Variants in GABRB3 observed in about 807,000 individuals in gnomAD.
The protein encoded by GABRB3 is gamma-aminobutyric acid type A receptor subunit beta3.
In GABRB3, 14 loss-of-function variants were observed where a neutral mutation model predicts 52.1. The ratio of observed to expected loss-of-function variants is 0.27; its 90% confidence interval spans 0.18 to 0.42. The LOEUF (loss-of-function observed/expected upper bound fraction) is 0.42, where lower values mean the gene tolerates loss of function less well. GABRB3 is among the 10% of genes least tolerant of loss of function. GABRB3 has a pLI of 1.00. For synonymous variants in GABRB3, 260 were observed against 232.3 expected, an observed-to-expected ratio of 1.12 and a Z score of -1.08; for missense variants, 307 against 609.1, an observed-to-expected ratio of 0.50 and a Z score of 5.22.
At chr15:26,711,459 T>C (rs1451773596) in intron 3 of GABRB3, among the ~76,000 whole-genome samples, 2 of 105,916 alleles carry the variant, frequency 1.9e-5, no homozygotes, top group African/African-American at 5.7e-5. Context: ...AATCCACTGC[T>C]CCGCTCGGCC....
chr15:26,689,060 T>C (rs1888496270), intron 3 of GABRB3, among the ~76,000 whole-genome samples: 1 of 152,200 alleles, frequency 6.6e-6, no homozygotes, highest in African/African-American at 2.4e-5. Context: ...GATGGGTTGG[T>C]GGAATCACAA....
At chr15:26,562,572 G>T (rs1890030849) in intron 7 of GABRB3, among the ~76,000 whole-genome samples, 1 of 152,192 alleles carries the variant, frequency 6.6e-6, no homozygotes. Flanking sequence ...TTCTGCACAT[G>T]GTCCCAGCCC....
intron 3 of GABRB3, chr15:26,624,997 G>T (rs1892635518): frequency 1.0e-6 from 1 of 980,238 alleles, no homozygotes; most frequent in South Asian, 4.7e-5. Flanking sequence ...TAGGAGGCAG[G>T]TATTATAATT....
intron 3 of GABRB3, chr15:26,628,976 C>T: frequency 6.5e-7 from 1 of 1,536,160 alleles, no homozygotes; most frequent in Non-Finnish European, 8.7e-7. Flanking sequence ...CCGACTTTTA[C>T]CTCTTCTGTC....
chr15:26,700,038 G>A (rs1030242377), intron 3 of GABRB3, among the ~76,000 whole-genome samples: 4 of 151,454 alleles, frequency 2.6e-5, no homozygotes, highest in Non-Finnish European at 5.9e-5. Context: ...AAACAATACT[G>A]AAAAATCAAT....
intron 3 of GABRB3, among the ~76,000 whole-genome samples, chr15:26,695,485 TA>T (rs1315025609): frequency 6.6e-6 from 1 of 151,902 alleles, no homozygotes; most frequent in Admixed American, 6.6e-5. Flanking sequence ...TGGAATTTTT[TA>T]TTCAGCAAAA....
chr15:26,688,267 G>A (rs1340599619), intron 3 of GABRB3, among the ~76,000 whole-genome samples: 1 of 152,162 alleles, frequency 6.6e-6, no homozygotes, highest in Non-Finnish European at 1.5e-5. Context: ...CGTGATCAAT[G>A]GGACAGGATG....
At position 26,561,020 on chromosome 15, in the gene GABRB3, A is replaced by G. The variant is rs766202246; in HGVS notation, c.992T>C (p.Phe331Ser). The part of the protein sequence containing the change: ...LLEYAFVNYI[F>S]FGRGPQRQKK... Reference sequence around the variant, plus strand: ...CTGCCTTTGAGGGCCTCTTCCAAAGAAAATGTAGTTGACAAAGGCATACTC... The same window carrying G: ...CTGCCTTTGAGGGCCTCTTCCAAAGGAAATGTAGTTGACAAAGGCATACTC... Residue 331 changes from phenylalanine (F) to serine (S), a missense_variant, in exon 8 of 9, where the codon TTC (phenylalanine) becomes TCC (serine). Phe to Ser is a radical substitution (Grantham distance 155). This residue lies in a region of GABRB3 where 32 missense variants were observed against 147.8 expected (regional missense o/e 0.22). Coordinates refer to ENST00000311550, the MANE Select transcript of GABRB3 (RefSeq NM_000814.6). The G allele has an allele frequency of 6.2e-7, 1 of 1,614,188 alleles. No individual in the cohort carries two copies. The highest frequency in any genetic ancestry group is 8.5e-7 in the Non-Finnish European group (1 of 1,180,052).
intron 3 of GABRB3, among the ~76,000 whole-genome samples, chr15:26,715,734 T>C (rs558554881): frequency 1.3e-5 from 2 of 152,212 alleles, no homozygotes; most frequent in East Asian, 1.9e-4. Context: ...TAATGATAAG[T>C]AGATTACTCT....
intron 4 of GABRB3, among the ~76,000 whole-genome samples, chr15:26,608,225 C>T (rs570496496): frequency 1.3e-5 from 2 of 152,022 alleles, no homozygotes; most frequent in African/African-American, 4.8e-5. Flanking sequence ...TAATCTCTTC[C>T]ATAAATGCTG....
At chr15:26,586,686 CA>C (rs1179931462) in intron 4 of GABRB3, among the ~76,000 whole-genome samples, 200 of 98,676 alleles carry the variant, frequency 2.0e-3, no homozygotes, top group African/African-American at 7.9e-3. Context: ...GACTCCATCT[CA>C]AAAAAAAAAA....
intron 3 of GABRB3, among the ~76,000 whole-genome samples, chr15:26,763,124 AG>A (rs1449912202): frequency 6.6e-6 from 1 of 152,152 alleles, no homozygotes; most frequent in Non-Finnish European, 1.5e-5. Flanking sequence ...CTGAGCCTTC[AG>A]TGTGTATCAG....
At chr15:26,737,288 G>A (rs1890090272) in intron 3 of GABRB3, among the ~76,000 whole-genome samples, 1 of 141,714 alleles carries the variant, frequency 7.1e-6, no homozygotes, top group Non-Finnish European at 1.5e-5. Context: ...GACTGAGCAT[G>A]GAAAACAAGA....
At chr15:26,630,016 G>A (rs1892869841) in intron 3 of GABRB3, among the ~76,000 whole-genome samples, 1 of 152,022 alleles carries the variant, frequency 6.6e-6, no homozygotes. Flanking sequence ...AGAGGTCCTG[G>A]CACCCCGCAA....
intron 3 of GABRB3, among the ~76,000 whole-genome samples, chr15:26,702,942 T>C (rs1221843465): frequency 6.6e-6 from 1 of 152,164 alleles, no homozygotes; most frequent in Non-Finnish European, 1.5e-5. Context: ...AAATCAAGTC[T>C]CCAGCAAATT....
At chr15:26,662,139 G>A (rs1887572144) in intron 3 of GABRB3, among the ~76,000 whole-genome samples, 1 of 152,180 alleles carries the variant, frequency 6.6e-6, no homozygotes, top group Non-Finnish European at 1.5e-5. Flanking sequence ...TACAAAGGAA[G>A]TATGTTTACC....
chr15:26,621,099 G>A lies in GABRB3; in HGVS notation c.461+215C>T, dbSNP rs1397770382. ...AATTATATACAATTGATCCAAAGGT[G>A]GCTGTTTTTCAACTGCTTGTGACTA... On this transcript the variant is annotated intron_variant, in intron 4 of 8. Transcript: ENST00000311550. The surrounding 1 kb of genome is among the most constrained non-coding windows in gnomAD (Gnocchi z 4.1). Among the ~76,000 whole-genome samples the A allele has an allele frequency of 7.2e-6, 1 of 138,356 alleles. No homozygotes were observed. The highest frequency in any genetic ancestry group is 1.6e-5 in the Non-Finnish European group (1 of 60,764). 90.8% of individuals were successfully genotyped at this position (138,356 alleles called of 152,430 possible). A position where few individuals can be genotyped will look rare whatever the true frequency, so the allele number is the denominator to read the frequency against.
intron 3 of GABRB3, among the ~76,000 whole-genome samples, chr15:26,756,347 A>C (rs1165424588): frequency 6.6e-6 from 1 of 151,688 alleles, no homozygotes; most frequent in Non-Finnish European, 1.5e-5. Flanking sequence ...AGGCGGGTGG[A>C]TCACGAGCCC....
intron 3 of GABRB3, among the ~76,000 whole-genome samples, chr15:26,764,164 AAAAAAAAAAAAAAAAATATATATAT>A (rs1890906255): frequency 2.5e-5 from 1 of 39,890 alleles, no homozygotes; most frequent in African/African-American, 1.2e-4. Flanking sequence ...AAAAAAAAAA[AAAAAAAAAAAAAAAAATATATATAT>A]ATATATATAT....
Sources: gnomAD v4.1 joint callset for allele counts (sites outside exome capture counted in the v4.1 genomes callset) on GRCh38, gnomAD v4.1.1 for gene constraint, gnomAD v4.1.1 regional missense constraint, Gnocchi (gnomAD v3.1) non-coding constraint, MANE v1.5 for transcripts, NCBI Gene and HGNC (gene_info 2026-07-23, HGNC 2026-07-21) for gene names.